Variants in TMC6 observed in about 807,000 individuals in gnomAD.
The protein encoded by TMC6 is transmembrane channel like 6.
TMC6 carries 71 observed loss-of-function variants against 95.4 expected under a neutral mutation model. That is an observed-to-expected ratio of 0.74 (90% CI 0.61 to 0.91). The LOEUF (loss-of-function observed/expected upper bound fraction) is 0.91. Ranked by LOEUF, TMC6 falls within the 40% of genes least tolerant of loss-of-function variation. TMC6 has a pLI of 0.00. For synonymous variants in TMC6, 514 were observed against 483.1 expected (o/e 1.06, Z -0.84); for missense variants, 1,074 against 1,079.1 (o/e 1.00, Z 0.07).
rs1393577726 is a variant in TMC6 at position 78,128,659 on chromosome 17, C to G, written c.-122G>C. On this transcript the variant is annotated 5_prime_UTR_variant, in exon 1 of 20. Transcript: ENST00000590602. The surrounding 1 kb of genome is among the most constrained non-coding windows in gnomAD (Gnocchi z 4.0). Reference sequence around the variant, plus strand: ...GGCCGCGCGCGCAGCCAGGGCTCACCTGTGCCCCGCAAGAGCCGCCGGGAA... The same window carrying G: ...GGCCGCGCGCGCAGCCAGGGCTCACGTGTGCCCCGCAAGAGCCGCCGGGAA... 1 of 152,196 alleles carries G rather than the reference C, an allele frequency of 6.6e-6. No homozygotes were observed. Among genetic ancestry groups the G allele is most frequent in the Non-Finnish European group, 1.5e-5 (1 of 68,048 alleles). 9.4% of individuals were successfully genotyped at this position (152,196 alleles called of 1,614,324 possible).
rs117065924 is a variant in TMC6, at chr17:78,125,846, G to A, written c.310C>T (p.Arg104Cys). 1.9e-4 allele frequency: 299 copies of A among 1,552,210 alleles called. No homozygotes were observed. In the East Asian group the frequency reaches 3.3e-3, roughly 17 times the overall value. Residue 104 changes from arginine to cysteine, a missense_variant, in exon 5 of 20, where the codon CGC becomes TGC. Coordinates refer to ENST00000590602, the MANE Select transcript of TMC6 (RefSeq NM_001127198.5). ...RGAIISQYYNRTVQLRCRSSR... is the reference protein window; with the variant it reads ...RGAIISQYYNCTVQLRCRSSR... ...CTCCTGCACCGAAGCTGCACCGTGCGGTTGTAGTACTGGGAGATGATGGCA... is the reference window on the plus strand; with the variant it reads ...CTCCTGCACCGAAGCTGCACCGTGCAGTTGTAGTACTGGGAGATGATGGCA...
rs1030755857 is a variant in TMC6 at position 78,121,325 on chromosome 17, G to A, written c.1384-161C>T. Among the ~76,000 whole-genome samples the A allele has an allele frequency of 1.3e-5, 2 of 152,176 alleles. No homozygotes were observed. Among genetic ancestry groups the A allele is most frequent in the Non-Finnish European group, 2.9e-5 (2 of 68,028 alleles). On this transcript the variant is annotated intron_variant, in intron 11 of 19. Transcript: ENST00000590602. The surrounding 1 kb of genome is among the most constrained non-coding windows in gnomAD (Gnocchi z 5.6). ...GTTCAAACCACACAGGAAGCAGGGA[G>A]GGGTACAAGTAGTGGAAAAGAAACC... is the stretch of plus-strand genomic sequence containing the variant.
At chr17:78,120,051 C>T (rs774937951) in intron 13 of TMC6, 23 of 384,480 alleles carry the variant, frequency 6.0e-5, no homozygotes, top group Non-Finnish European at 1.0e-4. Context: ...GAACCCACAG[C>T]GGAATACCTG....
intron 5 of TMC6, 51 bp downstream of exon 5, chr17:78,125,675 C>T (rs1225016657): frequency 1.3e-6 from 2 of 1,547,808 alleles, no homozygotes; most frequent in African/African-American, 2.7e-5. Flanking sequence ...CCTCTTGCAC[C>T]CCACCCCAGG....
At chr17:78,114,341 T>C (rs2073945770) in intron 18 of TMC6, among the ~76,000 whole-genome samples, 1 of 152,142 alleles carries the variant, frequency 6.6e-6, no homozygotes, top group Non-Finnish European at 1.5e-5. Flanking sequence ...GCCACCACGA[T>C]AATCTAGGGC....
upstream of TMC6, chr17:78,131,980 G>C (rs1021551980): frequency 1.5e-4 from 224 of 1,522,628 alleles, no homozygotes; most frequent in Middle Eastern, 1.9e-4. Flanking sequence ...GCAGCGCAGC[G>C]GCTGGCCCGG....
chr17:78,118,141 A>G, intron 15 of TMC6: 11 of 822,226 alleles, frequency 1.3e-5, no homozygotes, highest in Non-Finnish European at 1.9e-5. Flanking sequence ...CAGCACCTCC[A>G]TCTGCTGAAG....
Position 78,122,236 on chromosome 17 carries a change from C to T in TMC6, c.1227+369G>A, listed in dbSNP as rs1432926061. On this transcript the variant is annotated intron_variant, in intron 10 of 19. Transcript: ENST00000590602. The surrounding 1 kb of genome is among the most constrained non-coding windows in gnomAD (Gnocchi z 4.9). ...GCCTCAGTCTCCTCTCTGAGGCACACAGAAGGTGACAGTCCTCACCCACTG... is the reference window on the plus strand; with the variant it reads ...GCCTCAGTCTCCTCTCTGAGGCACATAGAAGGTGACAGTCCTCACCCACTG... Among the ~76,000 whole-genome samples, 2 of 152,250 alleles carry T rather than the reference C, an allele frequency of 1.3e-5. No homozygotes were observed. Among genetic ancestry groups the T allele is most frequent in the Admixed American group, 6.5e-5 (1 of 15,304 alleles).
intron 9 of TMC6, chr17:78,123,175 C>A: frequency 3.0e-6 from 1 of 334,860 alleles, no homozygotes; most frequent in Non-Finnish European, 5.8e-6. Context: ...TGACTCCTTC[C>A]CCAGTGCTCC....
At chr17:78,126,177 C>A in intron 4 of TMC6, 100 bp downstream of exon 4, 1 of 1,466,902 alleles carries the variant, frequency 6.8e-7, no homozygotes. Context: ...CGGGAGCAGC[C>A]ACTACCCAGG....
Position 78,120,826 on chromosome 17 carries a change from G to A in TMC6, c.1542C>T (p.Leu514=). The change falls in exon 13 of 20, where the codon CTC becomes CTT. Residue 514 remains leucine, a synonymous_variant. Coordinates refer to ENST00000590602, the MANE Select transcript of TMC6 (RefSeq NM_001127198.5). ...LEVYVAICRN[L]ILKLAILGTL... is the part of the protein sequence containing the mutation. Reference sequence around the variant, plus strand: ...TCCCCAGGATGGCCAGCTTGAGGATGAGGTTCCTGCGGAGGGCGGGGTGCA... The same window carrying A: ...TCCCCAGGATGGCCAGCTTGAGGATAAGGTTCCTGCGGAGGGCGGGGTGCA... The A allele has an allele frequency of 6.2e-7, 1 of 1,612,376 alleles. No individual in the cohort carries two copies. The highest frequency in any genetic ancestry group is 1.1e-5 in the South Asian group (1 of 91,076).
At chr17:78,113,493 TGGCCCCTCTCCCCTCCA>T in intron 19 of TMC6, 38 bp downstream of exon 19, 1 of 1,596,456 alleles carries the variant, frequency 6.3e-7, no homozygotes, top group Non-Finnish European at 8.6e-7. Context: ...TGTCCAGCCC[TGGCCCCTCTCCCCTCCA>T]GGCTCAGAGT....
chr17:78,124,345 C>T (rs984205573), intron 8 of TMC6, 166 bp from the exon 9 acceptor site: 4 of 1,333,780 alleles, frequency 3.0e-6, no homozygotes, highest in South Asian at 1.3e-5. Flanking sequence ...CCCATGGGAA[C>T]CCCAGCACGA....
intron 15 of TMC6, 73 bp from the exon 16 acceptor site, chr17:78,118,008 A>G: frequency 6.4e-7 from 1 of 1,553,242 alleles, no homozygotes; most frequent in Non-Finnish European, 8.7e-7. Context: ...GGGGAGCTCA[A>G]GAGGGAAGGG....
chr17:78,117,159 C>G, intron 18 of TMC6, 110 bp downstream of exon 18: 1 of 1,206,470 alleles, frequency 8.3e-7, no homozygotes, highest in South Asian at 1.3e-5. Flanking sequence ...GCAAACAAAC[C>G]CTTTCACCAG....
At chr17:78,117,732 G>A (rs973512854) in intron 16 of TMC6, 70 bp downstream of exon 16, 6 of 1,568,290 alleles carry the variant, frequency 3.8e-6, no homozygotes, top group Non-Finnish European at 5.2e-6. Flanking sequence ...CCTAAGCCTT[G>A]GGCCCCCCAG....
intron 19 of TMC6, 128 bp from the exon 20 acceptor site, chr17:78,113,339 T>C: frequency 7.9e-7 from 1 of 1,273,142 alleles, no homozygotes; most frequent in Non-Finnish European, 1.1e-6. Flanking sequence ...AGATGTATTT[T>C]AGGTCCCTGT....
At position 78,117,591 on chromosome 17, in the gene TMC6, T is replaced by C. The variant is rs1480132311; in HGVS notation, c.2075A>G (p.Glu692Gly). ...GPFRTLDTMY[E>G]AGRVWVRHLE... Reference sequence around the variant, plus strand: ...GTGGCGCACCCACACCCTGCCGGCCTCGTACATGGTGTCCAGGGTCCGGAA... The same window carrying C: ...GTGGCGCACCCACACCCTGCCGGCCCCGTACATGGTGTCCAGGGTCCGGAA... Residue 692 changes from glutamate to glycine, a missense_variant, in exon 17 of 20, where the codon GAG becomes GGG. Transcript: ENST00000590602. 2 of 1,584,026 alleles carry C rather than the reference T, an allele frequency of 1.3e-6. No individual in the cohort carries two copies. The highest frequency in any genetic ancestry group is 1.7e-6 in the Non-Finnish European group (2 of 1,166,672).
intron 5 of TMC6, among the ~76,000 whole-genome samples, 167 bp from the exon 6 acceptor site, chr17:78,125,430 C>T (rs2074657757): frequency 1.3e-5 from 2 of 152,198 alleles, no homozygotes; most frequent in South Asian, 2.1e-4. Context: ...CTTCAGTCAG[C>T]GACAAGCAGG....
Sources: allele counts gnomAD v4.1 joint callset (sites outside exome capture counted in the v4.1 genomes callset), GRCh38; gene constraint gnomAD v4.1.1; non-coding constraint Gnocchi (gnomAD v3.1); transcripts MANE v1.5; gene names NCBI Gene and HGNC (gene_info 2026-07-23, HGNC 2026-07-21).